The following TRIM44 variants were observed in gnomAD, a reference collection of about 807,000 sequenced individuals.
TRIM44 encodes tripartite motif containing 44.
A neutral mutation model predicts 37.4 loss-of-function variants in TRIM44; 13 were observed. The observed-to-expected ratio is 0.35, with a 90% CI of 0.23 to 0.55. The LOEUF (loss-of-function observed/expected upper bound fraction) is 0.55, where lower values mean the gene tolerates loss of function less well. Among genes scored for constraint, TRIM44 ranks in the 20% least tolerant of loss-of-function variants. TRIM44 has a pLI of 0.89. For synonymous variants in TRIM44, 175 were observed against 157.2 expected (o/e 1.11, Z -0.85); for missense variants, 426 against 437.2 (o/e 0.97, Z 0.23).
intron 3 of TRIM44, among the ~76,000 whole-genome samples, chr11:35,729,711 A>C (rs188495307): frequency 6.6e-6 from 1 of 152,236 alleles, no homozygotes; most frequent in Non-Finnish European, 1.5e-5. Context: ...ACTTAAGGTG[A>C]CATATGAACC....
At chr11:35,670,719 G>A (rs1851384623) in intron 1 of TRIM44, among the ~76,000 whole-genome samples, 1 of 151,994 alleles carries the variant, frequency 6.6e-6, no homozygotes, top group African/African-American at 2.4e-5. Flanking sequence ...GATCTTTTTG[G>A]GAATCATCCT....
chr11:35,700,736 TA>T (rs1851777196), intron 2 of TRIM44, among the ~76,000 whole-genome samples: 2 of 152,208 alleles, frequency 1.3e-5, no homozygotes, highest in South Asian at 2.1e-4. Context: ...TTTGCATAGC[TA>T]GGGGGCGTGG....
chr11:35,776,321 T>G (rs939612025), intron 4 of TRIM44, among the ~76,000 whole-genome samples: 1 of 152,224 alleles, frequency 6.6e-6, no homozygotes, highest in Non-Finnish European at 1.5e-5. Flanking sequence ...TTCATCATTT[T>G]TTATTGTGTC....
Position 35,663,409 on chromosome 11 carries a change from G to GA in TRIM44, c.299dup (p.Ser101ValfsTer18), listed in dbSNP as rs1851296626. ...AGAAAGCGAGGCAGGGGAAGAGAGT[G>GA]AGTCGGAGGAAGAGAGCGAGTCAGA... On this transcript the variant is annotated frameshift_variant, in exon 1 of 5. Coordinates refer to ENST00000299413, the MANE Select transcript of TRIM44 (RefSeq NM_017583.6). LOFTEE classifies it high-confidence loss of function. The GA allele has an allele frequency of 6.3e-7, 1 of 1,587,984 alleles. No homozygotes were observed. The highest frequency in any genetic ancestry group is 1.3e-5 in the African/African-American group (1 of 74,268).
intron 4 of TRIM44, among the ~76,000 whole-genome samples, chr11:35,752,086 G>C (rs1213557204): frequency 6.6e-6 from 1 of 151,514 alleles, no homozygotes; most frequent in Non-Finnish European, 1.5e-5. Flanking sequence ...TCTACCCTTT[G>C]CCTTCTTAGT....
intron 4 of TRIM44, among the ~76,000 whole-genome samples, chr11:35,747,268 A>T (rs1404415017): frequency 6.6e-6 from 1 of 152,098 alleles, no homozygotes; most frequent in African/African-American, 2.4e-5. Flanking sequence ...TTGAACATTA[A>T]CTAGGAGCTA....
intron 4 of TRIM44, among the ~76,000 whole-genome samples, chr11:35,797,767 G>A (rs1028209420): frequency 1.3e-5 from 2 of 152,162 alleles, no homozygotes; most frequent in Non-Finnish European, 2.9e-5. Context: ...TGTCAGAGCC[G>A]AGAGGAGCCT....
chr11:35,737,077 T>G (rs1204148843), intron 4 of TRIM44, among the ~76,000 whole-genome samples: 1 of 152,266 alleles, frequency 6.6e-6, no homozygotes, highest in East Asian at 1.9e-4. Context: ...TAAGTTAGTC[T>G]TGGAGGATAA....
At chr11:35,794,559 G>A (rs1027207259) in intron 4 of TRIM44, among the ~76,000 whole-genome samples, 2 of 152,226 alleles carry the variant, frequency 1.3e-5, no homozygotes, top group African/African-American at 4.8e-5. Flanking sequence ...TTACTTGTTT[G>A]TAAGAATAAT....
intron 1 of TRIM44, among the ~76,000 whole-genome samples, chr11:35,679,039 G>T (rs1851496100): frequency 6.6e-6 from 1 of 151,784 alleles, no homozygotes; most frequent in African/African-American, 2.4e-5. Context: ...ATGGAATAGG[G>T]AGGAAAACAC....
intron 1 of TRIM44, among the ~76,000 whole-genome samples, chr11:35,677,343 A>G (rs1851469987): frequency 6.6e-6 from 1 of 151,846 alleles, no homozygotes; most frequent in Non-Finnish European, 1.5e-5. Flanking sequence ...CTTTCTGAAT[A>G]TCCTAAAACT....
chr11:35,753,908 T>G (rs1852589569), intron 4 of TRIM44, among the ~76,000 whole-genome samples: 1 of 152,024 alleles, frequency 6.6e-6, no homozygotes, highest in African/African-American at 2.4e-5. Context: ...TTTGTATTTT[T>G]AATAGAGACA....
chr11:35,702,457 C>T lies in TRIM44; in HGVS notation c.747+17121C>T, dbSNP rs187960524. 3.7e-4 allele frequency among the ~76,000 whole-genome samples: 56 copies of T among 152,290 alleles called. 1 individual carries two copies. The highest frequency in any genetic ancestry group is 3.9e-4 in the East Asian group (2 of 5,180). ...TTCTGCGATTAAGGATGCCTATGAA[C>T]GGAATCTGCCGTATCAGTGGACATT... On this transcript the variant is annotated intron_variant, in intron 2 of 4. Coordinates refer to ENST00000299413, the MANE Select transcript of TRIM44 (RefSeq NM_017583.6).
intron 4 of TRIM44, among the ~76,000 whole-genome samples, chr11:35,738,784 A>G (rs1056593865): frequency 6.6e-6 from 1 of 152,190 alleles, no homozygotes; most frequent in Admixed American, 6.5e-5. Flanking sequence ...GAGTCCCTAC[A>G]CAAGGGATGG....
chr11:35,687,788 G>A (rs1407700097), intron 2 of TRIM44, among the ~76,000 whole-genome samples: 1 of 152,180 alleles, frequency 6.6e-6, no homozygotes, highest in East Asian at 1.9e-4. Flanking sequence ...AAGGATATTT[G>A]TAAGGACCCG....
At chr11:35,788,854 T>TAA (rs1038752138) in intron 4 of TRIM44, among the ~76,000 whole-genome samples, 1 of 152,342 alleles carries the variant, frequency 6.6e-6, no homozygotes, top group African/African-American at 2.4e-5. Context: ...GGGAAGGACA[T>TAA]AAGCTTTCTC....
In TRIM44 at chr11:35,762,064, G is replaced by T. The variant is rs185077820; in HGVS notation, c.1007+26619G>T. ...GCAGTGGCTGCCCTTTCAGCTTCAGGCTTGTGTACCTTGTACATGATGAGA... is the reference window on the plus strand; with the variant it reads ...GCAGTGGCTGCCCTTTCAGCTTCAGTCTTGTGTACCTTGTACATGATGAGA... On this transcript the variant is annotated intron_variant, in intron 4 of 4. Coordinates refer to ENST00000299413, the MANE Select transcript of TRIM44 (RefSeq NM_017583.6). Among the ~76,000 whole-genome samples the T allele has an allele frequency of 1.3e-3, 198 of 152,244 alleles. 1 individual carries two copies. The highest frequency in any genetic ancestry group is 1.4e-3 in the Non-Finnish European group (94 of 68,034).
intron 4 of TRIM44, among the ~76,000 whole-genome samples, chr11:35,786,182 C>T (rs1853128695): frequency 6.6e-6 from 1 of 152,146 alleles, no homozygotes; most frequent in South Asian, 2.1e-4. Flanking sequence ...ATATTAAGAA[C>T]TTTAAAAAGG....
chr11:35,755,567 G>T (rs1590572092), intron 4 of TRIM44, among the ~76,000 whole-genome samples: 2 of 152,284 alleles, frequency 1.3e-5, no homozygotes, highest in South Asian at 4.1e-4. Flanking sequence ...TTTTAGACAT[G>T]AAGTCCTTGC....
Sources: allele counts gnomAD v4.1 joint callset (sites outside exome capture counted in the v4.1 genomes callset), GRCh38; gene constraint gnomAD v4.1.1; transcripts MANE v1.5; gene names NCBI Gene and HGNC (gene_info 2026-07-23, HGNC 2026-07-21).